The following VAV2 variants were observed in gnomAD, a reference collection of about 807,000 sequenced individuals.
VAV2 encodes guanine nucleotide exchange factor VAV2.
Under a neutral mutation model 132.5 loss-of-function variants are expected in VAV2, and 67 were observed. The ratio of observed to expected loss-of-function variants is 0.51; its 90% CI spans 0.42 to 0.62. VAV2 has a LOEUF of 0.62. Among genes scored for constraint, VAV2 ranks in the 20% least tolerant of loss-of-function variants. The pLI is 0.00. For synonymous variants in VAV2, 492 were observed against 443.5 expected (o/e 1.11, Z -1.37); for missense variants, 938 against 1,153.6 (o/e 0.81, Z 2.71).
At chr9:133,861,965 T>C (rs1837612817) in intron 2 of VAV2, among the ~76,000 whole-genome samples, 2 of 152,164 alleles carry the variant, frequency 1.3e-5, no homozygotes, top group African/African-American at 4.8e-5. Context: ...CTTCAAGCCC[T>C]CCCTTGCATG....
rs1195095413 is a variant in VAV2, at chr9:133,870,899, C to A, written c.322-9467G>T. On this transcript the variant is annotated intron_variant, in intron 2 of 29. Coordinates refer to ENST00000371850, the MANE Select transcript of VAV2 (RefSeq NM_001134398.2). ...GTGGGTGGATGGATATGGGTGAGTG[C>A]GTGGGTGGGTGGGTGGATGGATGGA... 4.9e-5 allele frequency among the ~76,000 whole-genome samples: 3 copies of A among 60,642 alleles called. No individual in the cohort carries two copies. The East Asian group carries it at 1.6e-3, about 32-fold the overall frequency. The allele number at this position is 60,642 out of a possible 152,430, so 39.8% of individuals were successfully genotyped here. A position where few individuals can be genotyped will look rare whatever the true frequency, so the allele number is the denominator to read the frequency against.
chr9:133,851,909 G>GTGGATGGA (rs58259577), intron 3 of VAV2, among the ~76,000 whole-genome samples: 1,659 of 140,818 alleles, frequency 0.012, 29 homozygotes, highest in African/African-American at 0.04. Flanking sequence ...GGATGGATGG[G>GTGGATGGA]TGGATGGATG....
At chr9:133,764,195 T>G in intron 29 of VAV2, 86 bp from the exon 30 acceptor site, 1 of 1,553,844 alleles carries the variant, frequency 6.4e-7, no homozygotes, top group Non-Finnish European at 8.8e-7. Context: ...TGAGGGCAAG[T>G]AGAGGCTCAT....
Position 133,776,028 on chromosome 9 carries a change from CA to C in VAV2, c.2017del (p.Trp673GlyfsTer24). ...SREIDYTAYP[W>X]FAGNMERQQT... The stretch of plus-strand genomic sequence containing the variant: ...TGTCTGCAGCCCACGATCCACTCAC[CA>C]GGGGTATGCAGTGTAGTCGATCTCC... On this transcript the variant is annotated frameshift_variant and splice_region_variant, in exon 24 of 30. Transcript: ENST00000371850. LOFTEE classifies it high-confidence loss of function. 1 of 1,611,832 alleles carries C rather than the reference CA, an allele frequency of 6.2e-7. No individual in the cohort carries two copies. Among genetic ancestry groups the C allele is most frequent in the Non-Finnish European group, 8.5e-7 (1 of 1,178,920 alleles).
chr9:133,896,230 G>T (rs796352657), intron 2 of VAV2, among the ~76,000 whole-genome samples: 1 of 152,186 alleles, frequency 6.6e-6, no homozygotes, highest in African/African-American at 2.4e-5. Flanking sequence ...CGAGGCATGC[G>T]GATCACTTGA....
At chr9:133,917,927 C>T (rs1161338738) in intron 2 of VAV2, among the ~76,000 whole-genome samples, 2 of 151,892 alleles carry the variant, frequency 1.3e-5, no homozygotes, top group East Asian at 1.9e-4. Flanking sequence ...CCCACCCTCC[C>T]GGCTGAATCC....
chr9:133,820,329 C>CT (rs1235525920), intron 4 of VAV2, among the ~76,000 whole-genome samples: 362 of 131,460 alleles, frequency 2.8e-3, no homozygotes, highest in Middle Eastern at 7.5e-3. Flanking sequence ...TTTTCTTTTT[C>CT]TTTTTTTTTT....
At position 133,779,913 on chromosome 9, in the gene VAV2, C is replaced by T. The variant is rs758172754; in HGVS notation, c.1762+5G>A. The T allele has an allele frequency of 3.1e-6, 5 of 1,611,776 alleles. No homozygotes were observed. Among genetic ancestry groups the T allele is most frequent in the African/African-American group, 2.7e-5 (2 of 74,870 alleles). On this transcript the variant is annotated splice_donor_5th_base_variant and intron_variant, in intron 21 of 29. Coordinates refer to ENST00000371850, the MANE Select transcript of VAV2 (RefSeq NM_001134398.2). The stretch of plus-strand genomic sequence containing the variant: ...TAGCAGAGGGCCCAGGTCCAGAAGA[C>T]TCACCTGGTCCCGCTCCGGAGGCGT...
In VAV2 at chr9:133,857,928, G is replaced by A. The variant is rs1253781106; in HGVS notation, c.380+3446C>T. 6.6e-6 allele frequency among the ~76,000 whole-genome samples: 1 copy of A among 152,216 alleles called. No individual in the cohort carries two copies. Among genetic ancestry groups the A allele is most frequent in the Non-Finnish European group, 1.5e-5 (1 of 68,024 alleles). Reference sequence around the variant, plus strand: ...GCCCCGGGGAGGAGGGCCTGCAGAGGTCTTCCTGCAAAGCCTCGCTCTGCG... The same window carrying A: ...GCCCCGGGGAGGAGGGCCTGCAGAGATCTTCCTGCAAAGCCTCGCTCTGCG... On this transcript the variant is annotated intron_variant, in intron 3 of 29. Transcript: ENST00000371850. The surrounding 1 kb of genome is among the most constrained non-coding windows in gnomAD (Gnocchi z 4.0).
chr9:133,944,589 C>A (rs1252410970), intron 1 of VAV2, among the ~76,000 whole-genome samples: 46 of 152,248 alleles, frequency 3.0e-4, no homozygotes, highest in Admixed American at 3.0e-3. Context: ...CACTGGCCCA[C>A]TGCACAGACA....
intron 5 of VAV2, 127 bp from the exon 6 acceptor site, chr9:133,810,332 G>C: frequency 6.8e-7 from 1 of 1,463,142 alleles, no homozygotes; most frequent in Non-Finnish European, 9.3e-7. Flanking sequence ...GCCACATCAC[G>C]GCCCCTCGTG....
chr9:133,933,189 G>A (rs1840745877), intron 2 of VAV2, among the ~76,000 whole-genome samples: 1 of 152,246 alleles, frequency 6.6e-6, no homozygotes, highest in Non-Finnish European at 1.5e-5. Flanking sequence ...AGACTCCAGT[G>A]TCCAAGGCTG....
chr9:133,946,388 G>A lies in VAV2; in HGVS notation c.205-7169C>T, dbSNP rs759535573. On this transcript the variant is annotated intron_variant, in intron 1 of 29. Transcript: ENST00000371850. ...GAACCTGGGCACCACAGCCCTGAAA[G>A]CAACAGGGCACCACAGCTTCTGGGC... Among the ~76,000 whole-genome samples, 22 of 152,224 alleles carry A rather than the reference G, an allele frequency of 1.4e-4. 1 individual carries two copies. Among genetic ancestry groups the A allele is most frequent in the Non-Finnish European group, 2.2e-4 (15 of 68,038 alleles).
intron 2 of VAV2, among the ~76,000 whole-genome samples, chr9:133,865,751 T>C (rs561527813): frequency 2.0e-5 from 3 of 152,258 alleles, no homozygotes; most frequent in Non-Finnish European, 2.9e-5. Flanking sequence ...TAAACATACA[T>C]ATATTCACAG....
At chr9:133,807,926 CCCGAG>C (rs1835214213) in intron 7 of VAV2, among the ~76,000 whole-genome samples, 1 of 152,240 alleles carries the variant, frequency 6.6e-6, no homozygotes, top group Non-Finnish European at 1.5e-5. Flanking sequence ...TCTCCTGCTC[CCCGAG>C]TGGCTCCTGG....
intron 2 of VAV2, among the ~76,000 whole-genome samples, chr9:133,865,028 T>C (rs1220488404): frequency 6.6e-6 from 1 of 152,250 alleles, no homozygotes; most frequent in Non-Finnish European, 1.5e-5. Flanking sequence ...AGCTCTATGC[T>C]GCAGGTTCAG....
At position 133,840,978 on chromosome 9, in the gene VAV2, G is replaced by A. The variant is rs1172299978; in HGVS notation, c.381-6638C>T. Among the ~76,000 whole-genome samples the A allele has an allele frequency of 6.6e-6, 1 of 152,174 alleles. No individual in the cohort carries two copies. The highest frequency in any genetic ancestry group is 2.4e-5 in the African/African-American group (1 of 41,440). On this transcript the variant is annotated intron_variant, in intron 3 of 29. Transcript: ENST00000371850. The surrounding 1 kb of genome is among the most constrained non-coding windows in gnomAD (Gnocchi z 4.5). ...GTGCAGACCCTCAGGATCTCAGCTA[G>A]AGGGACGACAGCTTGGGTTTGCTTT... is the stretch of plus-strand genomic sequence containing the variant.
chr9:133,988,367 A>C (rs1253914703), intron 1 of VAV2, among the ~76,000 whole-genome samples: 1 of 152,170 alleles, frequency 6.6e-6, no homozygotes, highest in East Asian at 1.9e-4. Flanking sequence ...TCATTTATTT[A>C]AACAGTCCTG....
chr9:133,771,184 C>A (rs1395915285), intron 26 of VAV2, among the ~76,000 whole-genome samples: 2 of 152,008 alleles, frequency 1.3e-5, no homozygotes, highest in Non-Finnish European at 2.9e-5. Flanking sequence ...GTGCCTCAGC[C>A]TCCCAAGTAG....
Sources: allele counts gnomAD v4.1 joint callset (sites outside exome capture counted in the v4.1 genomes callset), GRCh38; gene constraint gnomAD v4.1.1; non-coding constraint Gnocchi (gnomAD v3.1); transcripts MANE v1.5; gene names NCBI Gene and HGNC (gene_info 2026-07-23, HGNC 2026-07-21).